Variants in NAGK observed in about 807,000 individuals in gnomAD.
NAGK encodes the protein N-acetylglucosamine kinase, also known as N-acetyl-D-glucosamine kinase.
NAGK carries 35 observed loss-of-function variants against 42.9 expected under a neutral mutation model. The ratio of observed to expected loss-of-function variants is 0.82; its 90% CI spans 0.62 to 1.08. NAGK has a LOEUF of 1.08. Ranked by LOEUF, NAGK falls within the 50% of genes least tolerant of loss-of-function variation. The pLI is 0.00. For missense variants in NAGK, 446 were observed against 446.0 expected (o/e 1.00, Z 0.00); for synonymous variants, 172 against 176.0 (o/e 0.98, Z 0.18).
chr2:71,069,166 AGT>A, intron 1 of NAGK: 1 of 936,276 alleles, frequency 1.1e-6, no homozygotes, highest in Non-Finnish European at 1.3e-6. Flanking sequence ...TGCGAGCCAG[AGT>A]ACTAGGTTGT....
At chr2:71,068,753 G>A in intron 1 of NAGK, 41 bp downstream of exon 1, 1 of 1,447,740 alleles carries the variant, frequency 6.9e-7, no homozygotes, top group Non-Finnish European at 9.1e-7. Context: ...CCCGAAGGCG[G>A]GGCGGAAGGC....
rs1421572594 is a variant in NAGK, at chr2:71,070,345, C to G, written c.30-157C>G. 8.4e-6 allele frequency: 5 copies of G among 596,604 alleles called. No homozygotes were observed. The East Asian group carries it at 1.5e-4, about 18-fold the overall frequency. 37.0% of individuals were successfully genotyped at this position (596,604 alleles called of 1,614,324 possible). A position where few individuals can be genotyped will look rare whatever the true frequency, so the allele number is the denominator to read the frequency against. Reference sequence around the variant, plus strand: ...AATTATGTTTCAGTTAAAGAGCACTCAAACACTGAACCACAGAGGCGGGTT... The same window carrying G: ...AATTATGTTTCAGTTAAAGAGCACTGAAACACTGAACCACAGAGGCGGGTT... On this transcript the variant is annotated intron_variant, in intron 1 of 9. Coordinates refer to ENST00000244204, the MANE Select transcript of NAGK (RefSeq NM_017567.6).
At chr2:71,076,413 G>A (rs1449853708) in intron 7 of NAGK, 191 bp from the exon 8 acceptor site, 1 of 545,448 alleles carries the variant, frequency 1.8e-6, no homozygotes, top group Non-Finnish European at 3.3e-6. Flanking sequence ...CCTCTACAGA[G>A]GGAGGTAGCT....
intron 8 of NAGK, 132 bp downstream of exon 8, chr2:71,076,833 C>T: frequency 1.3e-6 from 1 of 759,932 alleles, no homozygotes; most frequent in South Asian, 1.9e-5. Context: ...GTCTAAGAAG[C>T]ATTCTGCAGA....
chr2:71,079,190 C>T lies in NAGK; in HGVS notation c.*682C>T, dbSNP rs1329166354. On this transcript the variant is annotated 3_prime_UTR_variant, in exon 10 of 10. Coordinates refer to ENST00000244204, the MANE Select transcript of NAGK (RefSeq NM_017567.6). ...GCTCACCTCGGTAGCTGACCTATTC[C>T]TGGCTACTACTAGCCTGGCTCTGCT... The T allele has an allele frequency of 1.3e-5, 2 of 152,274 alleles. No individual in the cohort carries two copies. The highest frequency in any genetic ancestry group is 3.8e-4 in the East Asian group (2 of 5,200). The allele number at this position is 152,274 out of a possible 1,614,324, so 9.4% of individuals were successfully genotyped here.
At position 71,075,707 on chromosome 2, in the gene NAGK, G is replaced by A. The variant is rs527746845; in HGVS notation, c.667+65G>A. 2.6e-4 allele frequency: 387 copies of A among 1,464,210 alleles called. 3 individuals carry two copies. The South Asian group carries it at 4.1e-3, about 15-fold the overall frequency. 90.7% of individuals were successfully genotyped at this position (1,464,210 alleles called of 1,614,324 possible). A position where few individuals can be genotyped will look rare whatever the true frequency, so the allele number is the denominator to read the frequency against. On this transcript the variant is annotated intron_variant, in intron 7 of 9. Coordinates refer to ENST00000244204, the MANE Select transcript of NAGK (RefSeq NM_017567.6). The stretch of plus-strand genomic sequence containing the variant: ...TCCAAAGATCCCCAGTTGGGAGATT[G>A]AGTGGGGTTCAGACAGGACTGACAA...
upstream of NAGK, chr2:71,068,618 G>T (rs762711106): frequency 3.3e-6 from 5 of 1,525,026 alleles, no homozygotes; most frequent in South Asian, 1.2e-5. Flanking sequence ...CAGACAGCTG[G>T]AGGGAAGGAG....
At position 71,075,566 on chromosome 2, in the gene NAGK, G is replaced by C. The variant is rs770997765; in HGVS notation, c.591G>C (p.Arg197=). The C allele has an allele frequency of 1.8e-5, 29 of 1,613,774 alleles. No homozygotes were observed. The highest frequency in any genetic ancestry group is 2.5e-5 in the Non-Finnish European group (29 of 1,179,662). Reference sequence around the variant, plus strand: ...CTTTCTCCTCTCAGGTGCCAGATCGGCTAGGGATACTCACTCACCTGTATA... The same window carrying C: ...CTTTCTCCTCTCAGGTGCCAGATCGCCTAGGGATACTCACTCACCTGTATA... ...AMFHYFQVPD[R]LGILTHLYRD... The change falls in exon 7 of 10, where the codon CGG becomes CGC. Residue 197 remains arginine, a synonymous_variant. Transcript: ENST00000244204.
rs141798565 is a variant in NAGK, at chr2:71,071,663, C to T, written c.214-23C>T. 4.2e-4 allele frequency: 667 copies of T among 1,601,822 alleles called. 7 individuals are homozygous for T. The African/African-American group carries it at 7.4e-3, about 18-fold the overall frequency. ...AGCTGGGGCTGGGGCTCTGCACACT[C>T]GCTCACCTCCCGCGTGGCCTAGGGC... On this transcript the variant is annotated intron_variant, in intron 3 of 9. Coordinates refer to ENST00000244204, the MANE Select transcript of NAGK (RefSeq NM_017567.6).
chr2:71,070,653 G>A (rs1671967580), intron 2 of NAGK, 67 bp downstream of exon 2: 1 of 1,604,096 alleles, frequency 6.2e-7, no homozygotes, highest in African/African-American at 1.3e-5. Flanking sequence ...TCCTGTTGAG[G>A]TGGTGGCTGG....
upstream of NAGK, chr2:71,068,523 C>A: frequency 6.9e-7 from 1 of 1,455,788 alleles, no homozygotes; most frequent in Non-Finnish European, 9.0e-7. Flanking sequence ...ATCCCCGGCT[C>A]CTACCGGCGC....
At chr2:71,069,112 C>T in intron 1 of NAGK, 1 of 1,007,320 alleles carries the variant, frequency 9.9e-7, no homozygotes, top group East Asian at 1.0e-4. Context: ...TGGGGAGAAG[C>T]GGGACAAAGA....
At position 71,072,743 on chromosome 2, in the gene NAGK, A is replaced by G. The variant is rs767133277; in HGVS notation, c.458A>G (p.Glu153Gly). 73 of 1,613,396 alleles carry G rather than the reference A, an allele frequency of 4.5e-5. No individual in the cohort carries two copies. The highest frequency in any genetic ancestry group is 5.9e-5 in the Non-Finnish European group (70 of 1,179,700). ...CGGWGHMMGD[E>G]GSAYWIAHQA... Reference sequence around the variant, plus strand: ...GGCTGGGGCCATATGATGGGTGATGAGGGTTCAGGTGAGCTCACTGACTGG... The same window carrying G: ...GGCTGGGGCCATATGATGGGTGATGGGGGTTCAGGTGAGCTCACTGACTGG... Residue 153 changes from glutamate (E) to glycine (G), a missense_variant, in exon 5 of 10, where the codon GAG becomes GGG. Physicochemically the swap from Glu to Gly is moderately conservative, Grantham distance 98. Transcript: ENST00000244204.
At chr2:71,076,848 CTGT>C in intron 8 of NAGK, 147 bp downstream of exon 8, 1 of 708,324 alleles carries the variant, frequency 1.4e-6, no homozygotes, top group South Asian at 1.9e-5. Flanking sequence ...TGCAGAATGT[CTGT>C]AACAAAAAAG....
At chr2:71,073,836 G>T (rs1672118004) in intron 6 of NAGK, among the ~76,000 whole-genome samples, 1 of 152,196 alleles carries the variant, frequency 6.6e-6, no homozygotes, top group Admixed American at 6.5e-5. Context: ...GGGGACAGGT[G>T]ATTAGCCAGA....
At chr2:71,073,682 G>A (rs770668540) in intron 6 of NAGK, 88 bp downstream of exon 6, 25 of 1,121,934 alleles carry the variant, frequency 2.2e-5, no homozygotes, top group Admixed American at 1.9e-4. Context: ...GAGGGCCTGG[G>A]CGGACCGGCA....
intron 3 of NAGK, chr2:71,071,471 AT>A (rs1384399159): frequency 1.7e-6 from 1 of 601,414 alleles, no homozygotes; most frequent in African/African-American, 1.9e-5. Flanking sequence ...GCATTGTTGA[AT>A]CCCCTCTTTC....
Position 71,071,727 on chromosome 2 carries a change from G to A in NAGK, c.255G>A (p.Arg85=), listed in dbSNP as rs776844964. ...LSGGDQEDAG[R]ILIEELRDRF... ...GTGGGGACCAGGAGGACGCGGGGAG[G>A]ATCCTGATCGAGGAGCTGAGGGACC... The change falls in exon 4 of 10, where the codon AGG becomes AGA. Residue 85 remains arginine (R), a synonymous_variant. Coordinates refer to ENST00000244204, the MANE Select transcript of NAGK (RefSeq NM_017567.6). 1 of 1,614,078 alleles carries A rather than the reference G, an allele frequency of 6.2e-7. No individual in the cohort carries two copies. The highest frequency in any genetic ancestry group is 1.7e-5 in the Admixed American group (1 of 60,018).
chr2:71,073,739 G>T, intron 6 of NAGK, 145 bp downstream of exon 6: 1 of 736,976 alleles, frequency 1.4e-6, no homozygotes, highest in Non-Finnish European at 2.4e-6. Flanking sequence ...GAAGTCATAG[G>T]TGAGGACAGG....
Sources: gnomAD v4.1 joint callset for allele counts (sites outside exome capture counted in the v4.1 genomes callset) on GRCh38, gnomAD v4.1.1 for gene constraint, MANE v1.5 for transcripts, NCBI Gene and HGNC (gene_info 2026-07-23, HGNC 2026-07-21) for gene names.